Variants in LMO7 observed in about 807,000 individuals in gnomAD.
LMO7 encodes the protein LIM domain 7.
Under a neutral mutation model 206.5 loss-of-function variants are expected in LMO7, and 120 were observed. That is an observed-to-expected ratio of 0.58 (90% confidence interval 0.50 to 0.68). LMO7 has a LOEUF of 0.68. LMO7 is among the 30% of genes least tolerant of loss of function. The pLI is 0.00. For missense variants in LMO7, 1,959 were observed against 1,957.9 expected (o/e 1.00, Z -0.01); for synonymous variants, 706 against 681.5 (o/e 1.04, Z -0.56).
chr13:75,699,112 A>AGGG (rs2137870147), intron 1 of LMO7, among the ~76,000 whole-genome samples: 1 of 152,196 alleles, frequency 6.6e-6, no homozygotes, highest in Non-Finnish European at 1.5e-5. Flanking sequence ...AGATTTATTT[A>AGGG]TGTGATGGCA....
intron 3 of LMO7, among the ~76,000 whole-genome samples, chr13:75,728,368 TG>T (rs2044702119): frequency 6.6e-6 from 1 of 152,240 alleles, no homozygotes; most frequent in Non-Finnish European, 1.5e-5. Context: ...ATTTCTGTGA[TG>T]GCCAGTGATG....
At chr13:75,651,591 G>T (rs1354308810) in intron 1 of LMO7, among the ~76,000 whole-genome samples, 2 of 152,152 alleles carry the variant, frequency 1.3e-5, no homozygotes, top group Non-Finnish European at 2.9e-5. Flanking sequence ...GCCTCCCAAA[G>T]TGCTGGGATT....
At chr13:75,666,970 G>A (rs1300700585) in intron 1 of LMO7, among the ~76,000 whole-genome samples, 1 of 152,184 alleles carries the variant, frequency 6.6e-6, no homozygotes, top group Non-Finnish European at 1.5e-5. Context: ...GTAGTCCTGG[G>A]AGGGTTTGAG....
At chr13:75,790,526 C>T (rs1187857117) in intron 4 of LMO7, among the ~76,000 whole-genome samples, 1 of 152,124 alleles carries the variant, frequency 6.6e-6, no homozygotes, top group Non-Finnish European at 1.5e-5. Context: ...TCCCTGAAGA[C>T]CCACAGCATC....
rs115539794 is a variant in LMO7, at chr13:75,724,799, G to A, written c.141-2230G>A. ...CCAAGACTATATGTGTCTTTTCTCCGTCTTGTAGTCCTTAGAATTGTGACT... is the reference window on the plus strand; with the variant it reads ...CCAAGACTATATGTGTCTTTTCTCCATCTTGTAGTCCTTAGAATTGTGACT... On this transcript the variant is annotated intron_variant, in intron 2 of 30. Coordinates refer to ENST00000377534, the MANE Select transcript of LMO7 (RefSeq NM_001306080.2). Among the ~76,000 whole-genome samples the A allele has an allele frequency of 8.8e-3, 1,343 of 152,156 alleles. 26 individuals carry two copies. Among genetic ancestry groups the A allele is most frequent in the African/African-American group, 0.03 (1,248 of 41,522 alleles).
At chr13:75,716,791 T>C (rs2043568382) in intron 2 of LMO7, among the ~76,000 whole-genome samples, 1 of 152,178 alleles carries the variant, frequency 6.6e-6, no homozygotes, top group Non-Finnish European at 1.5e-5. Context: ...TATTCCTCCT[T>C]TCCAAACATA....
chr13:75,676,263 C>G (rs1195550594), intron 1 of LMO7, among the ~76,000 whole-genome samples: 1 of 152,140 alleles, frequency 6.6e-6, no homozygotes, highest in Non-Finnish European at 1.5e-5. Context: ...GTATGTGCCT[C>G]TCTCCGGATT....
rs531182025 is a variant in LMO7, at chr13:75,643,985, T to C, written c.69+7259T>C. Among the ~76,000 whole-genome samples, 3 of 152,084 alleles carry C rather than the reference T, an allele frequency of 2.0e-5. No homozygotes were observed. In the East Asian group the frequency reaches 5.8e-4, roughly 29 times the overall value. On this transcript the variant is annotated intron_variant, in intron 1 of 30. Transcript: ENST00000377534. ...AATGGGGATTGTCATGTAGGAGAGA[T>C]TAGGAAATTTTTGTATGGATTCAGA...
At chr13:75,742,074 G>A (rs77418892) in intron 3 of LMO7, among the ~76,000 whole-genome samples, 1,593 of 152,032 alleles carry the variant, frequency 0.01, 27 homozygotes, top group East Asian at 0.063. Flanking sequence ...ATTCCTATAC[G>A]TTAACTACAG....
chr13:75,627,576 A>G (rs773223621), intron 2 of LMO7: 11 of 146,822 alleles, frequency 7.5e-5, no homozygotes, highest in African/African-American at 2.5e-4. Flanking sequence ...TCAGGTGGAA[A>G]TTCTTTACCA....
intron 1 of LMO7, among the ~76,000 whole-genome samples, chr13:75,709,142 G>C (rs1417408595): frequency 6.6e-6 from 1 of 152,112 alleles, no homozygotes; most frequent in East Asian, 1.9e-4. Context: ...ATTTTTTATG[G>C]CAGCATAGTA....
At position 75,789,961 on chromosome 13, in the gene LMO7, G is replaced by C. The variant is rs544330917; in HGVS notation, c.318-5440G>C. Among the ~76,000 whole-genome samples the C allele has an allele frequency of 1.8e-4, 28 of 152,230 alleles. No individual in the cohort carries two copies. In the East Asian group the frequency reaches 5.4e-3, roughly 29 times the overall value. ...AGGGTATTTGGCCAAGGCAGGCCCT[G>C]GTAAACCAAGGATGTGTGGGGAGGG... On this transcript the variant is annotated intron_variant, in intron 4 of 30. Coordinates refer to ENST00000377534, the MANE Select transcript of LMO7 (RefSeq NM_001306080.2).
intron 3 of LMO7, among the ~76,000 whole-genome samples, chr13:75,731,766 A>G (rs551846267): frequency 9.2e-5 from 14 of 152,230 alleles, no homozygotes; most frequent in Admixed American, 5.2e-4. Flanking sequence ...GGCGGCTGGT[A>G]TCAGTTGTTC....
intron 3 of LMO7, among the ~76,000 whole-genome samples, chr13:75,729,767 T>C (rs1272319448): frequency 1.3e-5 from 2 of 151,696 alleles, no homozygotes; most frequent in Non-Finnish European, 2.9e-5. Context: ...TGTGGGTTTG[T>C]CATAGATAGC....
chr13:75,651,558 CCTCAGCCGATCCACCTGT>C (rs1272290193), intron 1 of LMO7, among the ~76,000 whole-genome samples: 1 of 152,116 alleles, frequency 6.6e-6, no homozygotes, highest in African/African-American at 2.4e-5. Context: ...GATCCACCTG[CCTCAGCCGATCCACCTGT>C]CTCAGCCTCC....
At chr13:75,798,787 T>TC (rs1441354403) in intron 6 of LMO7, among the ~76,000 whole-genome samples, 7 of 152,210 alleles carry the variant, frequency 4.6e-5, no homozygotes, top group African/African-American at 1.2e-4. Context: ...TGGAGGTGAC[T>TC]CATTTTAATT....
chr13:75,647,223 G>A (rs1486243798), intron 1 of LMO7, among the ~76,000 whole-genome samples: 1 of 152,218 alleles, frequency 6.6e-6, no homozygotes. Context: ...CCTGGGAAAA[G>A]TAAGTGGATG....
chr13:75,626,547 A>G (rs937494779), intron 2 of LMO7, among the ~76,000 whole-genome samples: 1 of 137,756 alleles, frequency 7.3e-6, no homozygotes, highest in Admixed American at 7.3e-5. Context: ...ACACAGCCAA[A>G]CCATATTGTC....
chr13:75,722,985 A>G (rs1392681621), intron 2 of LMO7, among the ~76,000 whole-genome samples: 12 of 152,176 alleles, frequency 7.9e-5, no homozygotes, highest in Admixed American at 6.5e-4. Context: ...CAAAGGCGTA[A>G]GAATGATACA....
Sources: gnomAD v4.1 joint callset for allele counts (sites outside exome capture counted in the v4.1 genomes callset) on GRCh38, gnomAD v4.1.1 for gene constraint, MANE v1.5 for transcripts, NCBI Gene and HGNC (gene_info 2026-07-23, HGNC 2026-07-21) for gene names.